PDGFC: variants seen among roughly 807,000 people sequenced by gnomAD.
The protein encoded by PDGFC is platelet derived growth factor C.
In PDGFC, 12 loss-of-function variants were observed where a neutral mutation model predicts 35.5. The ratio of observed to expected loss-of-function variants is 0.34; its 90% CI spans 0.22 to 0.55. The LOEUF (loss-of-function observed/expected upper bound fraction) is 0.55. Among genes scored for constraint, PDGFC ranks in the 20% least tolerant of loss-of-function variants. The probability of loss-of-function intolerance (pLI) is 0.91; values close to 1 mark genes in which losing one functional copy is unlikely to be tolerated. For synonymous variants in PDGFC, 159 were observed against 148.8 expected (o/e 1.07, Z -0.50); for missense variants, 322 against 412.4 (o/e 0.78, Z 1.90).
At chr4:156,960,425 TC>T (rs1196910971) in intron 1 of PDGFC, among the ~76,000 whole-genome samples, 2 of 151,254 alleles carry the variant, frequency 1.3e-5, no homozygotes, top group Non-Finnish European at 3.0e-5. Flanking sequence ...ATACTAGTGT[TC>T]TTATAACTTT....
chr4:156,851,950 A>T (rs1729467137), intron 1 of PDGFC, among the ~76,000 whole-genome samples: 1 of 149,602 alleles, frequency 6.7e-6, no homozygotes, highest in South Asian at 2.1e-4. Flanking sequence ...AAAAAAAAAA[A>T]AAAAAAATCC....
chr4:156,832,417 T>G (rs1225747913), intron 2 of PDGFC, among the ~76,000 whole-genome samples: 1 of 151,992 alleles, frequency 6.6e-6, no homozygotes, highest in Non-Finnish European at 1.5e-5. Context: ...CCACCATGCC[T>G]GGCTAATTTT....
At chr4:156,877,882 C>T (rs1730152064) in intron 1 of PDGFC, among the ~76,000 whole-genome samples, 1 of 152,170 alleles carries the variant, frequency 6.6e-6, no homozygotes, top group Admixed American at 6.5e-5. Flanking sequence ...CAAATGTCAT[C>T]TCCCTGATCT....
At chr4:156,913,863 G>A (rs1731098504) in intron 1 of PDGFC, among the ~76,000 whole-genome samples, 1 of 152,138 alleles carries the variant, frequency 6.6e-6, no homozygotes, top group African/African-American at 2.4e-5. Context: ...TTGAGGTTCA[G>A]GCTTTTATCA....
chr4:156,936,256 C>T (rs975015223), intron 1 of PDGFC, among the ~76,000 whole-genome samples: 1 of 152,016 alleles, frequency 6.6e-6, no homozygotes, highest in African/African-American at 2.4e-5. Flanking sequence ...GACCTTGTTC[C>T]CCTAGAGAGT....
intron 5 of PDGFC, among the ~76,000 whole-genome samples, chr4:156,765,826 C>G (rs577841462): frequency 1.3e-5 from 2 of 152,058 alleles, no homozygotes; most frequent in Non-Finnish European, 2.9e-5. Context: ...AGACTAGGCA[C>G]AGTGAAAAAG....
intron 1 of PDGFC, among the ~76,000 whole-genome samples, chr4:156,887,172 A>C (rs186684858): frequency 7.9e-5 from 12 of 152,318 alleles, no homozygotes; most frequent in Non-Finnish European, 1.8e-4. Context: ...ATGAATCAAC[A>C]TCATTCAGGA....
chr4:156,808,294 T>G (rs1047637047), intron 3 of PDGFC, among the ~76,000 whole-genome samples: 1 of 152,090 alleles, frequency 6.6e-6, no homozygotes, highest in Non-Finnish European at 1.5e-5. Flanking sequence ...CAAACCTCAA[T>G]GCAGAAAGTT....
At chr4:156,885,312 T>C (rs999618389) in intron 1 of PDGFC, among the ~76,000 whole-genome samples, 6 of 152,172 alleles carry the variant, frequency 3.9e-5, no homozygotes, top group South Asian at 2.1e-4. Context: ...GTGAATTCCA[T>C]CAATGTAACT....
At chr4:156,874,036 A>G (rs942884908) in intron 1 of PDGFC, 5 of 152,204 alleles carry the variant, frequency 3.3e-5, no homozygotes, top group African/African-American at 1.2e-4. Flanking sequence ...TTATTGTGTC[A>G]TATGCATATA....
chr4:156,886,739 G>A (rs569362616), intron 1 of PDGFC: 1 of 152,276 alleles, frequency 6.6e-6, no homozygotes, highest in East Asian at 1.9e-4. Flanking sequence ...AAATGGTTGT[G>A]GAGAAGCTTC....
chr4:156,825,578 TAATAATAATAATAATAAGAAG>T (rs1346022575), intron 2 of PDGFC, among the ~76,000 whole-genome samples: 27 of 95,004 alleles, frequency 2.8e-4, no homozygotes, highest in South Asian at 2.1e-3. Context: ...ATAATAATAA[TAATAATAATAATAATAAGAAG>T]AAGAAGAAGA....
At chr4:156,852,118 G>A (rs562920773) in intron 1 of PDGFC, among the ~76,000 whole-genome samples, 1 of 152,044 alleles carries the variant, frequency 6.6e-6, no homozygotes, top group East Asian at 1.9e-4. Flanking sequence ...ATGCATGGTA[G>A]GATATCTGAC....
At chr4:156,925,000 C>CT (rs1300444507) in intron 1 of PDGFC, among the ~76,000 whole-genome samples, 2 of 151,948 alleles carry the variant, frequency 1.3e-5, no homozygotes, top group African/African-American at 4.8e-5. Context: ...CTGGGCCTTG[C>CT]AGGAGGCTTC....
intron 1 of PDGFC, among the ~76,000 whole-genome samples, chr4:156,912,424 T>C (rs1174446823): frequency 6.6e-6 from 1 of 152,152 alleles, no homozygotes; most frequent in Non-Finnish European, 1.5e-5. Flanking sequence ...TATGTGGAAG[T>C]GGTCAGGGTT....
At chr4:156,768,547 G>T (rs1392694441) in intron 4 of PDGFC, among the ~76,000 whole-genome samples, 3 of 152,016 alleles carry the variant, frequency 2.0e-5, no homozygotes, top group Non-Finnish European at 2.9e-5. Context: ...AGACAGCTGT[G>T]TAGACCATGA....
intron 1 of PDGFC, among the ~76,000 whole-genome samples, chr4:156,877,093 CTTTTTTTAA>C (rs1730133330): frequency 6.6e-6 from 1 of 151,700 alleles, no homozygotes; most frequent in Non-Finnish European, 1.5e-5. Context: ...TTTCCTTTTT[CTTTTTTTAA>C]TTTTTAATTT....
intron 1 of PDGFC, among the ~76,000 whole-genome samples, chr4:156,922,155 AGTGTGTGTGTGT>A (rs3070262): frequency 1.6e-4 from 23 of 145,274 alleles, no homozygotes; most frequent in African/African-American, 4.3e-4. Flanking sequence ...AAGGATTCAT[AGTGTGTGTGTGT>A]GTGTGTGTGT....
chr4:156,836,121 T>C (rs981147008), intron 2 of PDGFC: 1 of 152,216 alleles, frequency 6.6e-6, no homozygotes, highest in Admixed American at 6.5e-5. Flanking sequence ...GAACTGGAGT[T>C]CACAGAGGAC....
Sources: allele counts gnomAD v4.1 joint callset (sites outside exome capture counted in the v4.1 genomes callset), GRCh38; gene constraint gnomAD v4.1.1; transcripts MANE v1.5; gene names NCBI Gene and HGNC (gene_info 2026-07-23, HGNC 2026-07-21).